Variants in GAREM1 observed in about 807,000 individuals in gnomAD.
GAREM1 encodes GRB2-associated and regulator of MAPK protein 1.
Under a neutral mutation model 71.3 loss-of-function variants are expected in GAREM1, and 26 were observed. The observed-to-expected ratio is 0.36, with a 90% CI of 0.27 to 0.51. GAREM1 has a LOEUF of 0.51. GAREM1 is among the 20% of genes least tolerant of loss of function. GAREM1 has a pLI of 0.95. For missense variants in GAREM1, 1,026 were observed against 1,103.1 expected (o/e 0.93, Z 0.99); for synonymous variants, 440 against 433.2 (o/e 1.02, Z -0.20).
At chr18:32,454,576 C>T (rs2048870162) in intron 1 of GAREM1, among the ~76,000 whole-genome samples, 1 of 152,176 alleles carries the variant, frequency 6.6e-6, no homozygotes, top group African/African-American at 2.4e-5. Flanking sequence ...CTCTTTCCAT[C>T]AGGCTAATAT....
At chr18:32,332,948 T>C (rs1479598166) in intron 2 of GAREM1, among the ~76,000 whole-genome samples, 2 of 151,290 alleles carry the variant, frequency 1.3e-5, no homozygotes, top group Non-Finnish European at 2.9e-5. Flanking sequence ...ATGACAAAAA[T>C]AGACACAGGA....
intron 3 of GAREM1, among the ~76,000 whole-genome samples, chr18:32,289,347 C>T (rs2047056653): frequency 1.3e-5 from 2 of 152,222 alleles, no homozygotes; most frequent in African/African-American, 4.8e-5. Context: ...TGTCTCCCTA[C>T]ACTCACACTG....
Position 32,365,728 on chromosome 18 carries a change from T to G in GAREM1, c.262+27167A>C, listed in dbSNP as rs2047923714. ...CATCTTCCAACTCTGCCACCAGCAC[T>G]TCATCAAAAGGCACTCTGGGTACTA... On this transcript the variant is annotated intron_variant, in intron 2 of 5. Transcript: ENST00000269209. Among the ~76,000 whole-genome samples the G allele has an allele frequency of 2.0e-5, 3 of 152,172 alleles. 1 individual carries two copies. The South Asian group carries it at 6.2e-4, about 32-fold the overall frequency.
At chr18:32,462,290 CTT>C (rs1325803634) in intron 1 of GAREM1, among the ~76,000 whole-genome samples, 1 of 152,170 alleles carries the variant, frequency 6.6e-6, no homozygotes, top group African/African-American at 2.4e-5. Context: ...CTTGCCAACA[CTT>C]TTGTCTTTTT....
In GAREM1 at chr18:32,266,017, T is replaced by C. The variant is rs898957482; in HGVS notation, c.*1854A>G. On this transcript the variant is annotated 3_prime_UTR_variant, in exon 6 of 6. Coordinates refer to ENST00000269209, the MANE Select transcript of GAREM1 (RefSeq NM_001242409.2). Reference sequence around the variant, plus strand: ...TGAGTGCAGTACCAGCACTTCCTCATTGAGTTATCTGTGACTTTTGAAGAG... The same window carrying C: ...TGAGTGCAGTACCAGCACTTCCTCACTGAGTTATCTGTGACTTTTGAAGAG... The C allele has an allele frequency of 2.0e-5, 3 of 152,180 alleles. No homozygotes were observed. The highest frequency in any genetic ancestry group is 1.9e-4 in the East Asian group (1 of 5,200). 9.4% of individuals were successfully genotyped at this position (152,180 alleles called of 1,614,324 possible).
Position 32,397,880 on chromosome 18 carries a change from C to T in GAREM1, c.122-4845G>A, listed in dbSNP as rs146034555. On this transcript the variant is annotated intron_variant, in intron 1 of 5. Transcript: ENST00000269209. ...ATATACATTCTTTTCAGCACCACAA[C>T]GCACTTATTCCAAAATTGACCACAT... is the stretch of plus-strand genomic sequence containing the variant. Among the ~76,000 whole-genome samples, 873 of 152,318 alleles carry T rather than the reference C, an allele frequency of 5.7e-3. 10 individuals carry two copies. Among genetic ancestry groups the T allele is most frequent in the African/African-American group, 0.02 (813 of 41,560 alleles).
At chr18:32,434,265 C>T (rs973004819) in intron 1 of GAREM1, among the ~76,000 whole-genome samples, 24 of 152,146 alleles carry the variant, frequency 1.6e-4, no homozygotes, top group Non-Finnish European at 1.9e-4. Flanking sequence ...AGTTCATACA[C>T]AGACAGATGG....
intron 1 of GAREM1, among the ~76,000 whole-genome samples, chr18:32,414,326 T>C (rs1415195008): frequency 6.6e-6 from 1 of 152,024 alleles, no homozygotes; most frequent in African/African-American, 2.4e-5. Flanking sequence ...GACAGATAGA[T>C]GAGTATACAG....
In GAREM1 at chr18:32,359,931, T is replaced by TATAAATAA. The variant is rs146487300; in HGVS notation, c.262+32956_262+32963dup. 3.2e-3 allele frequency among the ~76,000 whole-genome samples: 478 copies of TATAAATAA among 149,882 alleles called. 1 individual carries two copies. The highest frequency in any genetic ancestry group is 0.01 in the African/African-American group (409 of 40,212). ...ACCAAGTAAGAACCTGTCTCTTAAA[T>TATAAATAA]ATAAATAAATAAATAAATAAATAAA... On this transcript the variant is annotated intron_variant, in intron 2 of 5. Transcript: ENST00000269209.
At chr18:32,399,422 C>G (rs1258771756) in intron 1 of GAREM1, among the ~76,000 whole-genome samples, 1 of 152,008 alleles carries the variant, frequency 6.6e-6, no homozygotes, top group Non-Finnish European at 1.5e-5. Flanking sequence ...TTTAGAAAAC[C>G]CCATCGTCTC....
intron 1 of GAREM1, among the ~76,000 whole-genome samples, chr18:32,469,782 T>C (rs889316194): frequency 1.3e-5 from 2 of 152,152 alleles, no homozygotes; most frequent in Admixed American, 6.5e-5. Context: ...TTACTTTCAG[T>C]TGGGTTAAAC....
chr18:32,393,162 A>G (rs1255936604), intron 1 of GAREM1, 127 bp from the exon 2 acceptor site: 2 of 840,212 alleles, frequency 2.4e-6, no homozygotes, highest in Non-Finnish European at 3.5e-6. Context: ...AAGATGAGAT[A>G]AAGTTTACCT....
At chr18:32,416,113 C>G (rs1451733247) in intron 1 of GAREM1, among the ~76,000 whole-genome samples, 1 of 151,948 alleles carries the variant, frequency 6.6e-6, no homozygotes, top group African/African-American at 2.4e-5. Context: ...AAAAAGCGAT[C>G]ACTTACAATA....
intron 1 of GAREM1, among the ~76,000 whole-genome samples, chr18:32,427,157 T>TG (rs1318037121): frequency 1.3e-5 from 2 of 152,154 alleles, no homozygotes; most frequent in Non-Finnish European, 2.9e-5. Context: ...ACATTTGCAC[T>TG]GCAAATCAAT....
In GAREM1 at chr18:32,358,964, C is replaced by T. The variant is rs183538225; in HGVS notation, c.262+33931G>A. On this transcript the variant is annotated intron_variant, in intron 2 of 5. Coordinates refer to ENST00000269209, the MANE Select transcript of GAREM1 (RefSeq NM_001242409.2). ...ATTAAACCAAGTGCTGGGTCCTGTT[C>T]ACTGCACGGGATGCTCACCTGTGAA... is the stretch of plus-strand genomic sequence containing the variant. 7.9e-5 allele frequency among the ~76,000 whole-genome samples: 12 copies of T among 152,288 alleles called. No individual in the cohort carries two copies. The East Asian group carries it at 2.1e-3, about 27-fold the overall frequency.
intron 1 of GAREM1, among the ~76,000 whole-genome samples, chr18:32,452,941 GGT>G (rs1416955969): frequency 6.6e-6 from 1 of 151,810 alleles, no homozygotes; most frequent in African/African-American, 2.4e-5. Flanking sequence ...TTTACACGTG[GGT>G]GTGTGCTTGA....
chr18:32,388,423 G>A (rs1442558965), intron 2 of GAREM1, among the ~76,000 whole-genome samples: 3 of 152,152 alleles, frequency 2.0e-5, no homozygotes, highest in African/African-American at 7.2e-5. Context: ...GTGGTGGGGG[G>A]AGAAGATTTA....
chr18:32,293,162 G>GACACAC (rs150573267), intron 3 of GAREM1, among the ~76,000 whole-genome samples: 1 of 149,816 alleles, frequency 6.7e-6, no homozygotes, highest in Admixed American at 6.7e-5. Flanking sequence ...CACACACACA[G>GACACAC]ACACACACAC....
intron 2 of GAREM1, among the ~76,000 whole-genome samples, chr18:32,363,609 T>G (rs543238631): frequency 6.6e-6 from 1 of 152,280 alleles, no homozygotes; most frequent in South Asian, 2.1e-4. Flanking sequence ...GTAAAAGATC[T>G]GAAAATTCTG....
Sources: gnomAD v4.1 joint callset for allele counts (sites outside exome capture counted in the v4.1 genomes callset) on GRCh38, gnomAD v4.1.1 for gene constraint, MANE v1.5 for transcripts, NCBI Gene and HGNC (gene_info 2026-07-23, HGNC 2026-07-21) for gene names.